The following SYP variants were observed in gnomAD, a reference collection of about 807,000 sequenced individuals.
SYP encodes the protein synaptophysin.
Under a neutral mutation model 24.3 loss-of-function variants are expected in SYP, and 2 were observed. The observed-to-expected ratio is 0.08, with a 90% confidence interval of 0.03 to 0.26. SYP has a LOEUF of 0.26. Ranked by LOEUF, SYP falls within the 10% of genes least tolerant of loss-of-function variation. The pLI is 1.00. For missense variants in SYP, 216 were observed against 266.3 expected, an observed-to-expected ratio of 0.81 and a Z score of 1.32; for synonymous variants, 143 against 123.2, an observed-to-expected ratio of 1.16 and a Z score of -1.07.
chrX:49,190,372 G>T (rs2065502104), intron 6 of SYP, among the ~76,000 whole-genome samples: 1 of 109,245 alleles, frequency 9.2e-6, no homozygotes. Flanking sequence ...TAGAGACGGG[G>T]TTTCACCGTG....
In SYP at chrX:49,197,964, C is replaced by T. The variant is rs1248288727; in HGVS notation, c.103-125G>A. On this transcript the variant is annotated intron_variant, in intron 2 of 6. Coordinates refer to ENST00000263233, the MANE Select transcript of SYP (RefSeq NM_003179.3). ...CAGATGGAGCAGTCCCCACCCCCAC[C>T]CCCTAATCAGGGCTCATCGGGACCA... 3 of 946,748 alleles carry T rather than the reference C, an allele frequency of 3.2e-6. No homozygotes were observed. The African/African-American group carries it at 5.9e-5, about 18-fold the overall frequency. 78.0% of individuals were successfully genotyped at this position (946,748 alleles called of 1,213,427 possible).
Position 49,191,751 on chromosome X carries a change from G to A in SYP, c.628C>T (p.Leu210=). Residue 210 remains leucine, a synonymous_variant, in exon 6 of 7, where the codon CTG becomes TTG. Coordinates refer to ENST00000263233, the MANE Select transcript of SYP (RefSeq NM_003179.3). ...GLNTSVVFGF[L]NLVLWVGNLW... ...TTGCCGACCCAGAGCACCAGGTTCA[G>A]GAAGCCGAACACCTGCAGGGAGACA... 1 of 1,206,548 alleles carries A rather than the reference G, an allele frequency of 8.3e-7. No individual in the cohort carries two copies. The highest frequency in any genetic ancestry group is 1.1e-6 in the Non-Finnish European group (1 of 892,766).
rs782766826 is a variant in SYP at position 49,193,452 on chromosome X, G to T, written c.435C>A (p.Ala145=). ...GCCACATGAAGGCGAACACAGCCGT[G>T]GCCAGAAAGTCCTAAGGCAGGCAGG... ...NNKGPMLDFL[A]TAVFAFMWLV... The change falls in exon 5 of 7, where the codon GCC becomes GCA. Residue 145 remains alanine (A), a synonymous_variant. Coordinates refer to ENST00000263233, the MANE Select transcript of SYP (RefSeq NM_003179.3). 1 of 1,210,846 alleles carries T rather than the reference G, an allele frequency of 8.3e-7. No individual in the cohort carries two copies. The highest frequency in any genetic ancestry group is 1.7e-5 in the African/African-American group (1 of 57,673).
At chrX:49,195,550 A>G in intron 3 of SYP, among the ~76,000 whole-genome samples, 1 of 110,836 alleles carries the variant, frequency 9.0e-6, no homozygotes, top group East Asian at 2.8e-4. Flanking sequence ...GGGTAAAGGG[A>G]TCTTGGAACA....
At chrX:49,189,448 C>T (rs1311064815) in intron 6 of SYP, among the ~76,000 whole-genome samples, 166 bp from the exon 7 acceptor site, 6 of 111,015 alleles carry the variant, frequency 5.4e-5, no homozygotes, top group Admixed American at 9.7e-5. Flanking sequence ...TGACCTTGCC[C>T]CCACTGGGTT....
intron 6 of SYP, chrX:49,190,940 G>A (rs2065505407): frequency 7.7e-6 from 1 of 129,148 alleles, no homozygotes; most frequent in African/African-American, 3.2e-5. Flanking sequence ...GGGGAGAGGC[G>A]GCAGATCTAT....
At position 49,194,466 on chromosome X, in the gene SYP, G is replaced by A. The variant is rs1230444256; in HGVS notation, c.228-105C>T. The A allele has an allele frequency of 1.7e-5, 13 of 782,282 alleles. No homozygotes were observed. The African/African-American group carries it at 2.5e-4, about 15-fold the overall frequency. The allele number at this position is 782,282 out of a possible 1,213,427, so 64.5% of individuals were successfully genotyped here. ...TTCTGACAAGGCCCCAGGAAGAGGA[G>A]GAAATAACCATTCATCGAGCACCTA... is the stretch of plus-strand genomic sequence containing the variant. On this transcript the variant is annotated intron_variant, in intron 3 of 6. Coordinates refer to ENST00000263233, the MANE Select transcript of SYP (RefSeq NM_003179.3).
At chrX:49,198,585 T>A in intron 2 of SYP, 1 of 191,800 alleles carries the variant, frequency 5.2e-6, no homozygotes, top group Non-Finnish European at 9.7e-6. Context: ...TTTCTCAGTA[T>A]TTCCATCTCT....
intron 6 of SYP, among the ~76,000 whole-genome samples, chrX:49,189,640 G>A (rs782229713): frequency 6.3e-5 from 7 of 110,792 alleles, no homozygotes; most frequent in Admixed American, 9.7e-5. Flanking sequence ...GGATTATCTC[G>A]TATAACATAG....
chrX:49,195,220 C>T (rs782591060), intron 3 of SYP, among the ~76,000 whole-genome samples: 1 of 108,012 alleles, frequency 9.3e-6, no homozygotes, highest in Admixed American at 1.0e-4. Flanking sequence ...TACAAGAGGG[C>T]AGGGCTTTTT....
chrX:49,194,778 G>A (rs1021662686), intron 3 of SYP, among the ~76,000 whole-genome samples: 16 of 89,209 alleles, frequency 1.8e-4, no homozygotes, highest in Middle Eastern at 8.6e-3. Flanking sequence ...GCACAATCCC[G>A]GCTCACTGCA....
intron 2 of SYP, 67 bp from the exon 3 acceptor site, chrX:49,197,906 C>A (rs782063184): frequency 1.7e-6 from 2 of 1,184,146 alleles, no homozygotes; most frequent in African/African-American, 3.5e-5. Context: ...GTGCCCTCCT[C>A]TGGACAGATC....
chrX:49,193,571 C>T (rs1396031885), intron 4 of SYP, 108 bp from the exon 5 acceptor site: 11 of 910,481 alleles, frequency 1.2e-5, no homozygotes, highest in Admixed American at 1.1e-4. Flanking sequence ...TGTCTCTCCC[C>T]TGCCTTTTCA....
intron 5 of SYP, among the ~76,000 whole-genome samples, chrX:49,192,338 G>A (rs1033672558): frequency 9.0e-6 from 1 of 111,577 alleles, no homozygotes. Context: ...GGGATTACAG[G>A]CATGCACCAC....
rs1238441737 is a variant in SYP at position 49,188,797 on chromosome X, C to G, written c.*490G>C. ...CCTAAACTGTCCTCTCTACCCCAAGCCCCCCCAATCTCTGCCTTTCTTTAA... is the reference window on the plus strand; with the variant it reads ...CCTAAACTGTCCTCTCTACCCCAAGGCCCCCCAATCTCTGCCTTTCTTTAA... On this transcript the variant is annotated 3_prime_UTR_variant, in exon 7 of 7. Transcript: ENST00000263233. The G allele has an allele frequency of 2.7e-5, 3 of 111,230 alleles. No homozygotes were observed. The highest frequency in any genetic ancestry group is 9.9e-5 in the African/African-American group (3 of 30,409). The allele number at this position is 111,230 out of a possible 1,213,427, so 9.2% of individuals were successfully genotyped here.
intron 1 of SYP, among the ~76,000 whole-genome samples, 156 bp downstream of exon 1, chrX:49,199,995 T>G (rs2065545062): frequency 9.0e-6 from 1 of 110,699 alleles, no homozygotes; most frequent in Non-Finnish European, 1.9e-5. Context: ...TCCCCCTTCC[T>G]CCCCTTCACC....
chrX:49,191,341 CG>C (rs1399578638), intron 6 of SYP, 91 bp downstream of exon 6: 1 of 1,047,668 alleles, frequency 9.5e-7, no homozygotes, highest in East Asian at 3.3e-5. Flanking sequence ...AAACGCCTTA[CG>C]TACTCTCTAC....
chrX:49,197,095 T>G (rs1287496619), intron 3 of SYP: 4 of 109,327 alleles, frequency 3.7e-5, no homozygotes, highest in African/African-American at 1.3e-4. Context: ...GTGATTCTCC[T>G]GCCTCAGCCT....
intron 3 of SYP, 154 bp downstream of exon 3, chrX:49,197,561 C>T: frequency 1.3e-6 from 1 of 789,826 alleles, no homozygotes. Context: ...GAGTCCAGAG[C>T]AGTGCCAGGT....
Sources: gnomAD v4.1 joint callset for allele counts (sites outside exome capture counted in the v4.1 genomes callset) on GRCh38, gnomAD v4.1.1 for gene constraint, MANE v1.5 for transcripts, NCBI Gene and HGNC (gene_info 2026-07-23, HGNC 2026-07-21) for gene names.